Variants in NOX3 observed in about 807,000 individuals in gnomAD.
The protein encoded by NOX3 is NADPH oxidase catalytic subunit-like 3.
NOX3 carries 74 observed loss-of-function variants against 76.7 expected under a neutral mutation model. The observed-to-expected ratio is 0.96, with a 90% CI of 0.80 to 1.17. The LOEUF (loss-of-function observed/expected upper bound fraction) is 1.17, where lower values mean the gene tolerates loss of function less well. Among genes scored for constraint, NOX3 ranks in the 50% most tolerant of loss-of-function variants. NOX3 has a pLI of 0.00. For synonymous variants in NOX3, 263 were observed against 261.1 expected (o/e 1.01, Z -0.07); for missense variants, 695 against 703.3 (o/e 0.99, Z 0.13).
chr6:155,443,873 AAAT>A (rs1264349975), intron 4 of NOX3, among the ~76,000 whole-genome samples: 1 of 149,866 alleles, frequency 6.7e-6, no homozygotes, highest in African/African-American at 2.5e-5. Flanking sequence ...TTATATTAAT[AAAT>A]AAAGTAAATC....
chr6:155,447,843 A>G (rs1375951856), intron 4 of NOX3, among the ~76,000 whole-genome samples: 1 of 152,234 alleles, frequency 6.6e-6, no homozygotes, highest in East Asian at 1.9e-4. Context: ...CAACCGCTAA[A>G]TTCAGAATTG....
At chr6:155,446,105 G>A (rs762390416) in intron 4 of NOX3, among the ~76,000 whole-genome samples, 5 of 151,252 alleles carry the variant, frequency 3.3e-5, no homozygotes, top group South Asian at 2.1e-4. Flanking sequence ...TAGTGTTTCC[G>A]CATCGTGATG....
chr6:155,446,321 A>T (rs184531484), intron 4 of NOX3, among the ~76,000 whole-genome samples: 20 of 152,292 alleles, frequency 1.3e-4, no homozygotes, highest in Non-Finnish European at 2.1e-4. Flanking sequence ...TAAATTGAAC[A>T]CAAACATTGT....
chr6:155,454,761 T>A (rs756592876), intron 3 of NOX3, 50 bp downstream of exon 3: 1 of 1,079,710 alleles, frequency 9.3e-7, no homozygotes, highest in East Asian at 2.5e-5. Flanking sequence ...ATGGCACTTA[T>A]ATGAGGAAGT....
At chr6:155,398,489 T>A (rs901189694) in intron 12 of NOX3, among the ~76,000 whole-genome samples, 7 of 152,212 alleles carry the variant, frequency 4.6e-5, no homozygotes, top group African/African-American at 1.4e-4. Flanking sequence ...GACCATCACA[T>A]CCACAGTAGA....
chr6:155,427,504 C>T (rs1219320797), intron 9 of NOX3, among the ~76,000 whole-genome samples: 2 of 152,212 alleles, frequency 1.3e-5, no homozygotes, highest in Non-Finnish European at 2.9e-5. Flanking sequence ...GCATGTCAGA[C>T]ACTGTTGTAG....
chr6:155,444,638 C>A (rs544803639), intron 4 of NOX3, among the ~76,000 whole-genome samples: 31 of 152,292 alleles, frequency 2.0e-4, no homozygotes, highest in African/African-American at 5.1e-4. Flanking sequence ...GACATTTGTG[C>A]TAGTTTCGCT....
chr6:155,411,039 A>G (rs1009758426), intron 11 of NOX3, among the ~76,000 whole-genome samples, 175 bp downstream of exon 11: 1 of 152,192 alleles, frequency 6.6e-6, no homozygotes, highest in Non-Finnish European at 1.5e-5. Context: ...TTTGATTGTT[A>G]CAACTTGAAT....
At chr6:155,445,994 T>TAA (rs1268262660) in intron 4 of NOX3, among the ~76,000 whole-genome samples, 4 of 120,438 alleles carry the variant, frequency 3.3e-5, no homozygotes, top group Admixed American at 8.2e-5. Context: ...TATATATATA[T>TAA]ATAATATATA....
intron 12 of NOX3, among the ~76,000 whole-genome samples, chr6:155,404,596 C>T (rs746565020): frequency 4.6e-5 from 7 of 152,200 alleles, no homozygotes; most frequent in Admixed American, 4.6e-4. Context: ...AGCTGGTCCA[C>T]GCCCTCCCTC....
chr6:155,447,431 A>G (rs1241806348), intron 4 of NOX3, among the ~76,000 whole-genome samples: 1 of 152,210 alleles, frequency 6.6e-6, no homozygotes, highest in African/African-American at 2.4e-5. Flanking sequence ...TGACACTGTT[A>G]AACTAAATTT....
At chr6:155,407,730 G>C (rs574146063) in intron 11 of NOX3, among the ~76,000 whole-genome samples, 2 of 152,208 alleles carry the variant, frequency 1.3e-5, no homozygotes, top group Non-Finnish European at 2.9e-5. Flanking sequence ...CTTACAATGA[G>C]ACCTGCCTAG....
intron 7 of NOX3, among the ~76,000 whole-genome samples, chr6:155,436,076 A>T (rs1582942186): frequency 6.6e-6 from 1 of 152,312 alleles, no homozygotes; most frequent in African/African-American, 2.4e-5. Flanking sequence ...GATGGAAGTT[A>T]TGCAGAGGAC....
Position 155,445,699 on chromosome 6 carries a change from C to T in NOX3, c.341-2281G>A, listed in dbSNP as rs973953790. On this transcript the variant is annotated intron_variant, in intron 4 of 13. Transcript: ENST00000159060. The stretch of plus-strand genomic sequence containing the variant: ...CTGCACCCCTGATGAACTTTGACTT[C>T]TCAAGGATGGACTTTATTCATCCTT... Among the ~76,000 whole-genome samples, 5 of 151,766 alleles carry T rather than the reference C, an allele frequency of 3.3e-5. No individual in the cohort carries two copies. In the South Asian group the frequency reaches 1.0e-3, roughly 32 times the overall value.
intron 1 of NOX3, 88 bp downstream of exon 1, chr6:155,455,665 C>T (rs539778349): frequency 2.1e-6 from 2 of 966,490 alleles, no homozygotes; most frequent in Admixed American, 1.9e-5. Context: ...ATACTTCAAG[C>T]TATTTAGCGT....
chr6:155,443,472 G>T (rs559400187), intron 4 of NOX3, 54 bp from the exon 5 acceptor site: 1 of 1,577,730 alleles, frequency 6.3e-7, no homozygotes, highest in African/African-American at 1.4e-5. Flanking sequence ...TTTCTCCCTA[G>T]TTACTAAAAA....
intron 11 of NOX3, among the ~76,000 whole-genome samples, chr6:155,410,932 T>C (rs1438806772): frequency 1.3e-5 from 2 of 152,196 alleles, no homozygotes; most frequent in Non-Finnish European, 2.9e-5. Flanking sequence ...AAGGGACAAA[T>C]GCAAATTTGT....
chr6:155,429,185 C>A, intron 8 of NOX3, 138 bp from the exon 9 acceptor site: 1 of 782,904 alleles, frequency 1.3e-6, no homozygotes, highest in Non-Finnish European at 1.9e-6. Context: ...TGTTAGCTCC[C>A]AAAGATATGT....
At chr6:155,411,444 T>G in intron 10 of NOX3, 84 bp from the exon 11 acceptor site, 1 of 1,345,272 alleles carries the variant, frequency 7.4e-7, no homozygotes, top group Non-Finnish European at 9.9e-7. Flanking sequence ...TCCATTAAAT[T>G]ATTTGAGCCC....
Sources: allele counts gnomAD v4.1 joint callset (sites outside exome capture counted in the v4.1 genomes callset), GRCh38; gene constraint gnomAD v4.1.1; transcripts MANE v1.5; gene names NCBI Gene and HGNC (gene_info 2026-07-23, HGNC 2026-07-21).